The following SLC7A9 variants were observed in gnomAD, a reference collection of about 807,000 sequenced individuals.
SLC7A9 encodes the protein B(0,+)-type amino acid transporter 1.
In SLC7A9, 38 loss-of-function variants were observed where a neutral mutation model predicts 54.1. That is an observed-to-expected ratio of 0.70 (90% CI 0.54 to 0.92). SLC7A9 has a LOEUF of 0.92. SLC7A9 is among the 40% of genes least tolerant of loss of function. The pLI is 0.00. For missense variants in SLC7A9, 537 were observed against 636.1 expected, an observed-to-expected ratio of 0.84 and a Z score of 1.68; for synonymous variants, 264 against 258.9, an observed-to-expected ratio of 1.02 and a Z score of -0.19.
chr19:32,868,754 C>A, intron 1 of SLC7A9, 109 bp from the exon 2 acceptor site: 1 of 610,238 alleles, frequency 1.6e-6, no homozygotes, highest in Admixed American at 2.3e-5. Context: ...ATTGTCCAGG[C>A]AGGGGAACAC....
Position 32,853,371 on chromosome 19 carries a change from T to C in SLC7A9, c.977+5069A>G, listed in dbSNP as rs558113038. Among the ~76,000 whole-genome samples the C allele has an allele frequency of 6.2e-4, 95 of 152,350 alleles. 1 individual carries two copies. Among genetic ancestry groups the C allele is most frequent in the African/African-American group, 1.9e-3 (81 of 41,586 alleles). On this transcript the variant is annotated intron_variant, in intron 9 of 12. Coordinates refer to ENST00000023064, the MANE Select transcript of SLC7A9 (RefSeq NM_014270.5). ...ATCTAGAATTGGATTGTGATGTTTG[T>C]ACAGCCTTATAAATTTATGAAAATA...
At chr19:32,833,561 G>T (rs1341990101) in intron 11 of SLC7A9, among the ~76,000 whole-genome samples, 1 of 152,070 alleles carries the variant, frequency 6.6e-6, no homozygotes, top group African/African-American at 2.4e-5. Context: ...ACTTAGGGAG[G>T]CCGAGGCCGG....
At position 32,861,637 on chromosome 19, in the gene SLC7A9, CT is replaced by C. The variant is rs758316260; in HGVS notation, c.704+480del. ...GAGCAGCTTGGGCAACACAGAGAGA[CT>C]GTCTCTACAAAGCATAAAAATAAAA... is the stretch of plus-strand genomic sequence containing the variant. On this transcript the variant is annotated intron_variant, in intron 6 of 12. Coordinates refer to ENST00000023064, the MANE Select transcript of SLC7A9 (RefSeq NM_014270.5). Among the ~76,000 whole-genome samples, 4 of 152,232 alleles carry C rather than the reference CT, an allele frequency of 2.6e-5. No individual in the cohort carries two copies. In the South Asian group the frequency reaches 8.3e-4, roughly 32 times the overall value.
chr19:32,841,383 T>C (rs1968122664), intron 11 of SLC7A9, among the ~76,000 whole-genome samples: 1 of 151,998 alleles, frequency 6.6e-6, no homozygotes, highest in Non-Finnish European at 1.5e-5. Flanking sequence ...CTCTGAGTGG[T>C]TGCATGCACA....
intron 5 of SLC7A9, 99 bp downstream of exon 5, chr19:32,862,362 G>A (rs1379489986): frequency 1.3e-6 from 2 of 1,555,448 alleles, no homozygotes; most frequent in African/African-American, 2.7e-5. Flanking sequence ...TTCCTGCCAT[G>A]CTTCCTTGGA....
chr19:32,846,276 A>T (rs534675921), intron 9 of SLC7A9, among the ~76,000 whole-genome samples: 71 of 135,376 alleles, frequency 5.2e-4, no homozygotes, highest in African/African-American at 2.1e-3. Flanking sequence ...AGTCAAAGAA[A>T]GGGGTGACAG....
chr19:32,867,524 A>AC (rs899128817), intron 2 of SLC7A9, among the ~76,000 whole-genome samples: 3 of 151,726 alleles, frequency 2.0e-5, no homozygotes, highest in African/African-American at 7.3e-5. Context: ...CTCTAAAAAA[A>AC]TTTTTTTAAA....
intron 2 of SLC7A9, among the ~76,000 whole-genome samples, chr19:32,867,082 C>A (rs1028680788): frequency 2.0e-5 from 3 of 152,264 alleles, no homozygotes. Context: ...TGCAGCCCAA[C>A]TCAGAGCAGC....
At chr19:32,855,941 T>C (rs1184137098) in intron 9 of SLC7A9, among the ~76,000 whole-genome samples, 1 of 152,172 alleles carries the variant, frequency 6.6e-6, no homozygotes, top group Admixed American at 6.5e-5. Flanking sequence ...TAAATTCTTC[T>C]TATCCCTGTA....
intron 2 of SLC7A9, among the ~76,000 whole-genome samples, chr19:32,866,054 C>G (rs1251650523): frequency 6.6e-6 from 1 of 152,062 alleles, no homozygotes; most frequent in African/African-American, 2.4e-5. Context: ...ACTCATAACA[C>G]TCGTCCTCAG....
chr19:32,836,794 T>C (rs1230561851), intron 11 of SLC7A9, among the ~76,000 whole-genome samples: 1 of 152,188 alleles, frequency 6.6e-6, no homozygotes, highest in East Asian at 1.9e-4. Flanking sequence ...GTTTGGTGAA[T>C]AGGTTTTCAA....
At position 32,862,123 on chromosome 19, in the gene SLC7A9, A is replaced by T; in HGVS notation, c.699T>A (p.Asp233Glu). The T allele has an allele frequency of 1.2e-6, 2 of 1,609,100 alleles. No homozygotes were observed. The highest frequency in any genetic ancestry group is 1.1e-5 in the South Asian group (1 of 91,000). The change falls in exon 6 of 13, where the codon GAT becomes GAA. Residue 233 changes from aspartate to glutamate, a missense_variant. Coordinates refer to ENST00000023064, the MANE Select transcript of SLC7A9 (RefSeq NM_014270.5). ...LAFYNGLWAY[D>E]GWNQLNYITE... The stretch of plus-strand genomic sequence containing the variant: ...GACATCTCAGGACACCTCACCATCC[A>T]TCATAGGCCCAGAGTCCATTGTAAA...
At chr19:32,845,957 T>C (rs977332623) in intron 9 of SLC7A9, among the ~76,000 whole-genome samples, 1 of 152,132 alleles carries the variant, frequency 6.6e-6, no homozygotes, top group Non-Finnish European at 1.5e-5. Context: ...TGAGCCGAGA[T>C]TGCACCACTG....
chr19:32,846,926 G>C (rs189026218), intron 9 of SLC7A9, among the ~76,000 whole-genome samples: 2 of 152,188 alleles, frequency 1.3e-5, no homozygotes, highest in Non-Finnish European at 2.9e-5. Flanking sequence ...AGGCAAAAAG[G>C]GTCTGGAGTA....
chr19:32,867,710 C>T (rs890953298), intron 2 of SLC7A9, among the ~76,000 whole-genome samples: 20 of 151,098 alleles, frequency 1.3e-4, no homozygotes, highest in Non-Finnish European at 2.2e-4. Context: ...TTTGGGAGGC[C>T]GAGGTGGGCG....
chr19:32,862,437 A>C, intron 5 of SLC7A9, 24 bp downstream of exon 5: 1 of 1,611,898 alleles, frequency 6.2e-7, no homozygotes, highest in Non-Finnish European at 8.5e-7. Flanking sequence ...GTGCCCGTGC[A>C]GGGCCCACCC....
intron 9 of SLC7A9, among the ~76,000 whole-genome samples, chr19:32,856,275 A>G (rs1280885778): frequency 6.7e-6 from 1 of 149,800 alleles, no homozygotes; most frequent in Non-Finnish European, 1.5e-5. Flanking sequence ...GCTCACTGTA[A>G]GCTCTGCCTC....
chr19:32,858,657 G>C (rs1204442558), intron 8 of SLC7A9, 114 bp from the exon 9 acceptor site: 2 of 757,022 alleles, frequency 2.6e-6, no homozygotes, highest in Non-Finnish European at 4.6e-6. Flanking sequence ...TCGCCTCGGG[G>C]CACAGCCTCT....
At chr19:32,865,620 G>C (rs1346288786) in intron 2 of SLC7A9, among the ~76,000 whole-genome samples, 1 of 152,218 alleles carries the variant, frequency 6.6e-6, no homozygotes, top group Non-Finnish European at 1.5e-5. Context: ...AAAGGGGCAC[G>C]AGGGAGCTTT....
Sources: allele counts gnomAD v4.1 joint callset (sites outside exome capture counted in the v4.1 genomes callset), GRCh38; gene constraint gnomAD v4.1.1; transcripts MANE v1.5; gene names NCBI Gene and HGNC (gene_info 2026-07-23, HGNC 2026-07-21).